Variants in PLXNA2 observed in about 807,000 individuals in gnomAD.
PLXNA2 encodes the protein plexin-A2.
In PLXNA2, 91 loss-of-function variants were observed where a neutral mutation model predicts 193.5. That is an observed-to-expected ratio of 0.47 (90% CI 0.40 to 0.56). PLXNA2 has a LOEUF of 0.56. Ranked by LOEUF, PLXNA2 falls within the 20% of genes least tolerant of loss-of-function variation. PLXNA2 has a pLI of 0.00. For missense variants in PLXNA2, 1,995 were observed against 2,503.2 expected (o/e 0.80, Z 4.33); for synonymous variants, 997 against 1,027.3 (o/e 0.97, Z 0.56).
At position 208,142,383 on chromosome 1, in the gene PLXNA2, C is replaced by T. The variant is rs113086092; in HGVS notation, c.1452G>A (p.Arg484=). ...SVLKDGSPIL[R]DMAFSIDQRY... is the part of the protein sequence containing the mutation. Reference sequence around the variant, plus strand: ...GCTGATCAATGGAGAAGGCCATGTCCCGGAGGATGGGGCTTCCGTCCTTGA... The same window carrying T: ...GCTGATCAATGGAGAAGGCCATGTCTCGGAGGATGGGGCTTCCGTCCTTGA... Residue 484 remains arginine (R), a synonymous_variant, in exon 4 of 32, where the codon CGG becomes CGA. Coordinates refer to ENST00000367033, the MANE Select transcript of PLXNA2 (RefSeq NM_025179.4). The T allele has an allele frequency of 9.2e-5, 148 of 1,613,982 alleles. 2 individuals are homozygous for T. In the African/African-American group the frequency reaches 1.2e-3, roughly 13 times the overall value.
chr1:208,031,497 C>T, intron 29 of PLXNA2, 93 bp downstream of exon 29: 2 of 1,502,920 alleles, frequency 1.3e-6, no homozygotes, highest in Non-Finnish European at 1.8e-6. Flanking sequence ...CGAGAATAGG[C>T]TATCCTCCCA....
chr1:208,129,922 C>G (rs1460521526), intron 4 of PLXNA2, among the ~76,000 whole-genome samples: 1 of 152,206 alleles, frequency 6.6e-6, no homozygotes, highest in Non-Finnish European at 1.5e-5. Context: ...CTCCTGTCTT[C>G]CTTCTACCTG....
intron 1 of PLXNA2, among the ~76,000 whole-genome samples, chr1:208,227,684 C>T (rs1671554787): frequency 1.3e-5 from 2 of 152,136 alleles, no homozygotes; most frequent in South Asian, 4.1e-4. Context: ...GGTTATCAAG[C>T]ACCAGGTGGA....
chr1:208,024,293 T>C lies in PLXNA2; in HGVS notation c.*2950A>G, dbSNP rs1664275474. ...AAGGTCAAAATATCCTCAAATTGGA[T>C]AACAGGGAGAAGAGAGGCCAACCAA... On this transcript the variant is annotated 3_prime_UTR_variant, in exon 32 of 32. Coordinates refer to ENST00000367033, the MANE Select transcript of PLXNA2 (RefSeq NM_025179.4). 1 of 151,924 alleles carries C rather than the reference T, an allele frequency of 6.6e-6. No individual in the cohort carries two copies. The highest frequency in any genetic ancestry group is 6.6e-5 in the Admixed American group (1 of 15,168). 9.4% of individuals were successfully genotyped at this position (151,924 alleles called of 1,614,324 possible).
chr1:208,217,933 G>C lies in PLXNA2; in HGVS notation c.-11C>G. The C allele has an allele frequency of 6.2e-7, 1 of 1,605,820 alleles. No individual in the cohort carries two copies. Among genetic ancestry groups the C allele is most frequent in the Non-Finnish European group, 8.5e-7 (1 of 1,179,736 alleles). On this transcript the variant is annotated 5_prime_UTR_variant, in exon 2 of 32. Coordinates refer to ENST00000367033, the MANE Select transcript of PLXNA2 (RefSeq NM_025179.4). This position sits in a 1 kb window ranked among gnomAD's most constrained non-coding sequence, Gnocchi z 4.7. ...CCGCCTCTGTTCCATGCTGAGAGGG[G>C]CGGCGGTGAGGAGACGGCTCCTGTG...
intron 13 of PLXNA2, among the ~76,000 whole-genome samples, chr1:208,059,636 G>T (rs2102347647): frequency 6.6e-6 from 1 of 152,182 alleles, no homozygotes; most frequent in Non-Finnish European, 1.5e-5. Context: ...GTCTAATTCT[G>T]CCTCAGCCAC....
At chr1:208,069,765 C>T (rs765474236) in intron 12 of PLXNA2, among the ~76,000 whole-genome samples, 2 of 152,224 alleles carry the variant, frequency 1.3e-5, no homozygotes, top group African/African-American at 2.4e-5. Flanking sequence ...CTGGTTATAT[C>T]TCCAGGCTGA....
At position 208,096,063 on chromosome 1, in the gene PLXNA2, C is replaced by T. The variant is rs866521000; in HGVS notation, c.1948G>A (p.Glu650Lys). ...GCACTGCAGTTGTAAAACTTGAACT[C>T]GGTGCTGACAAATATCTTCCCTGTC... The part of the protein sequence containing the change: ...KETGKIFVST[E>K]FKFYNCSAHQ... Residue 650 changes from glutamate (E) to lysine (K), a missense_variant, in exon 8 of 32, where the codon GAG (glutamate) becomes AAG (lysine). Glu to Lys is a moderately conservative substitution (Grantham distance 56). Coordinates refer to ENST00000367033, the MANE Select transcript of PLXNA2 (RefSeq NM_025179.4). 6.1e-5 allele frequency: 98 copies of T among 1,613,916 alleles called. No homozygotes were observed. The highest frequency in any genetic ancestry group is 9.9e-5 in the South Asian group (9 of 91,076).
At chr1:208,072,207 T>C (rs1253637804) in intron 12 of PLXNA2, among the ~76,000 whole-genome samples, 10 of 152,230 alleles carry the variant, frequency 6.6e-5, no homozygotes, top group Admixed American at 6.5e-4. Flanking sequence ...TCCCTAAGCA[T>C]GGACTAGGGA....
intron 12 of PLXNA2, among the ~76,000 whole-genome samples, chr1:208,068,970 A>T (rs1345361625): frequency 6.6e-6 from 1 of 152,176 alleles, no homozygotes; most frequent in Non-Finnish European, 1.5e-5. Flanking sequence ...TATCGTTTGC[A>T]GGATTCAGAA....
At chr1:208,052,894 C>T (rs1287992982) in intron 14 of PLXNA2, among the ~76,000 whole-genome samples, 1 of 151,950 alleles carries the variant, frequency 6.6e-6, no homozygotes, top group African/African-American at 2.4e-5. Context: ...CTAAAGTCCT[C>T]CATTAATGGC....
At chr1:208,230,737 A>G (rs1380902690) in intron 1 of PLXNA2, among the ~76,000 whole-genome samples, 2 of 152,254 alleles carry the variant, frequency 1.3e-5, no homozygotes, top group African/African-American at 4.8e-5. Flanking sequence ...CTTCTTAAGC[A>G]GGCTATGTCC....
chr1:208,211,648 G>C (rs1241194176), intron 2 of PLXNA2, among the ~76,000 whole-genome samples: 2 of 149,802 alleles, frequency 1.3e-5, no homozygotes, highest in East Asian at 3.9e-4. Context: ...AGCCGAGATT[G>C]CGCCACTGCA....
At chr1:208,075,771 G>A (rs923747003) in intron 12 of PLXNA2, among the ~76,000 whole-genome samples, 2 of 151,980 alleles carry the variant, frequency 1.3e-5, no homozygotes, top group African/African-American at 4.8e-5. Context: ...TTAGAGATAG[G>A]GTCTTGGCCA....
intron 3 of PLXNA2, among the ~76,000 whole-genome samples, chr1:208,200,577 CTTTTTTTTT>C (rs36026400): frequency 1.8e-5 from 2 of 113,998 alleles, no homozygotes; most frequent in Admixed American, 1.1e-4. Context: ...CCCAATCCTT[CTTTTTTTTT>C]TTTTTTTTTT....
At chr1:208,058,119 GCA>G (rs1440105154) in intron 13 of PLXNA2, among the ~76,000 whole-genome samples, 2 of 152,154 alleles carry the variant, frequency 1.3e-5, no homozygotes, top group African/African-American at 4.8e-5. Context: ...TGGGGCGGAA[GCA>G]CACACACATC....
Position 208,217,586 on chromosome 1 carries a change from C to A in PLXNA2, c.337G>T (p.Val113Phe), listed in dbSNP as rs765087564. 1 of 1,614,148 alleles carries A rather than the reference C, an allele frequency of 6.2e-7. No homozygotes were observed. Among genetic ancestry groups the A allele is most frequent in the South Asian group, 1.1e-5 (1 of 91,068 alleles). ...TAGTCAATGATGAGCAGCTTGTTGA[C>A]ATTGTTGGTGAGGGTGAGCACTTCG... The part of the protein sequence containing the change: ...CSEVLTLTNN[V>F]NKLLIIDYSE... The change falls in exon 2 of 32, where the codon GTC becomes TTC. Residue 113 changes from valine to phenylalanine, a missense_variant. Val to Phe is a conservative substitution (Grantham distance 50, BLOSUM62 -1). This residue lies in a region of PLXNA2 where 702 missense variants were observed against 812.9 expected (regional missense o/e 0.86). Coordinates refer to ENST00000367033, the MANE Select transcript of PLXNA2 (RefSeq NM_025179.4). The surrounding 1 kb of genome is among the most constrained non-coding windows in gnomAD (Gnocchi z 4.7).
chr1:208,073,931 C>A (rs945554318), intron 12 of PLXNA2, among the ~76,000 whole-genome samples: 7 of 152,166 alleles, frequency 4.6e-5, no homozygotes, highest in Admixed American at 4.6e-4. Context: ...CCTCACAGCG[C>A]TCAGAAGGAA....
intron 3 of PLXNA2, among the ~76,000 whole-genome samples, chr1:208,188,895 T>C (rs1220217320): frequency 6.6e-6 from 1 of 152,106 alleles, no homozygotes; most frequent in Non-Finnish European, 1.5e-5. Context: ...TGGAAGCTCC[T>C]CTTCTTCTGT....
Sources: gnomAD v4.1 joint callset for allele counts (sites outside exome capture counted in the v4.1 genomes callset) on GRCh38, gnomAD v4.1.1 for gene constraint, gnomAD v4.1.1 regional missense constraint, Gnocchi (gnomAD v3.1) non-coding constraint, MANE v1.5 for transcripts, NCBI Gene and HGNC (gene_info 2026-07-23, HGNC 2026-07-21) for gene names.